Variants in NCKAP1 observed in about 807,000 individuals in gnomAD.
The protein encoded by NCKAP1 is nck-associated protein 1.
Under a neutral mutation model 151.2 loss-of-function variants are expected in NCKAP1, and 21 were observed. The ratio of observed to expected loss-of-function variants is 0.14; its 90% CI spans 0.10 to 0.20. The LOEUF (loss-of-function observed/expected upper bound fraction) is 0.20. NCKAP1 is among the 10% of genes least tolerant of loss of function. The pLI, the probability that NCKAP1 is intolerant of heterozygous loss-of-function variation, is 1.00. For synonymous variants in NCKAP1, 484 were observed against 451.8 expected, an observed-to-expected ratio of 1.07 and a Z score of -0.90; for missense variants, 933 against 1,352.1, an observed-to-expected ratio of 0.69 and a Z score of 4.86.
chr2:182,993,406 G>T (rs1698206383), intron 8 of NCKAP1, among the ~76,000 whole-genome samples: 1 of 152,282 alleles, frequency 6.6e-6, no homozygotes, highest in Admixed American at 6.5e-5. Flanking sequence ...AACAAAACCT[G>T]TAAGAATGAA....
chr2:182,940,594 C>G (rs1308485297), intron 24 of NCKAP1, among the ~76,000 whole-genome samples: 1 of 152,170 alleles, frequency 6.6e-6, no homozygotes, highest in Non-Finnish European at 1.5e-5. Flanking sequence ...CATGTGCCAC[C>G]ATGCCTGGCT....
chr2:182,956,442 C>G lies in NCKAP1; in HGVS notation c.2153+20G>C, dbSNP rs1427643409. 6.2e-7 allele frequency: 1 copy of G among 1,602,426 alleles called. No individual in the cohort carries two copies. Among genetic ancestry groups the G allele is most frequent in the East Asian group, 2.2e-5 (1 of 44,618 alleles). On this transcript the variant is annotated intron_variant, in intron 20 of 30. Transcript: ENST00000361354. ...TCATTACTGAGTCAACAAACAAAAA[C>G]AGTCAATATTCTTTCTTACTTGGTA...
intron 1 of NCKAP1, among the ~76,000 whole-genome samples, chr2:183,028,870 T>G (rs1448093328): frequency 6.6e-6 from 1 of 152,036 alleles, no homozygotes; most frequent in Non-Finnish European, 1.5e-5. Flanking sequence ...TCCCAGCACT[T>G]TGGGAGGCCG....
chr2:182,972,675 A>G (rs1315412104), intron 15 of NCKAP1, among the ~76,000 whole-genome samples: 3 of 152,186 alleles, frequency 2.0e-5, no homozygotes, highest in Non-Finnish European at 2.9e-5. Flanking sequence ...AGTGTCTATC[A>G]ATAGATAAAT....
rs1338357295 is a variant in NCKAP1 at position 182,918,991 on chromosome 2, T to C, written c.*6711A>G. ...TCCTTGTAGTGTGAGTTTGTAAAAATTGCTTTGTCTTTCCTGAGCTTCAGT... is the reference window on the plus strand; with the variant it reads ...TCCTTGTAGTGTGAGTTTGTAAAAACTGCTTTGTCTTTCCTGAGCTTCAGT... On this transcript the variant is annotated 3_prime_UTR_variant, in exon 31 of 31. Coordinates refer to ENST00000361354, the MANE Select transcript of NCKAP1 (RefSeq NM_013436.5). 3 of 152,180 alleles carry C rather than the reference T, an allele frequency of 2.0e-5. No homozygotes were observed. Among genetic ancestry groups the C allele is most frequent in the Admixed American group, 6.5e-5 (1 of 15,274 alleles). The allele number at this position is 152,180 out of a possible 1,614,324, so 9.4% of individuals were successfully genotyped here.
intron 15 of NCKAP1, among the ~76,000 whole-genome samples, chr2:182,971,218 C>G (rs1014408791): frequency 6.6e-6 from 1 of 150,948 alleles, no homozygotes; most frequent in Non-Finnish European, 1.5e-5. Context: ...AACGGTGAAA[C>G]CCCGTCTCTA....
rs748545383 is a variant in NCKAP1, at chr2:182,914,059, GGGA to G, written c.*11640_*11642del. 3.9e-5 allele frequency: 6 copies of G among 152,216 alleles called. No homozygotes were observed. The highest frequency in any genetic ancestry group is 8.8e-5 in the Non-Finnish European group (6 of 68,044). 9.4% of individuals were successfully genotyped at this position (152,216 alleles called of 1,614,324 possible). ...TCCCTCATTTAATCAGTTGTAGCCA[GGGA>G]GAAGTCACATATTGGTATCAGAGTG... is the stretch of plus-strand genomic sequence containing the variant. On this transcript the variant is annotated 3_prime_UTR_variant, in exon 31 of 31. Transcript: ENST00000361354.
chr2:183,023,711 A>G (rs746433084), intron 2 of NCKAP1, 95 bp downstream of exon 2: 1 of 939,130 alleles, frequency 1.1e-6, no homozygotes, highest in African/African-American at 1.7e-5. Context: ...AATGTTAAAA[A>G]TTAGGTAAAT....
chr2:183,008,121 T>C (rs1289048713), intron 2 of NCKAP1, among the ~76,000 whole-genome samples: 1 of 152,106 alleles, frequency 6.6e-6, no homozygotes, highest in Non-Finnish European at 1.5e-5. Flanking sequence ...AGATGGGGTT[T>C]CTCCATGTTG....
intron 24 of NCKAP1, among the ~76,000 whole-genome samples, chr2:182,936,092 AC>A (rs1242829079): frequency 2.0e-5 from 3 of 152,012 alleles, no homozygotes; most frequent in African/African-American, 7.3e-5. Flanking sequence ...CCCTGTCTCT[AC>A]AAAAAATAAA....
intron 1 of NCKAP1, chr2:183,024,966 A>G: frequency 6.2e-7 from 1 of 1,612,380 alleles, no homozygotes. Context: ...GAAGGTGAAA[A>G]GCTTTGCAAA....
At position 183,038,453 on chromosome 2, in the gene NCKAP1, C is replaced by T. The variant is rs561382302; in HGVS notation, c.-354G>A. The T allele has an allele frequency of 1.1e-3, 199 of 182,682 alleles. 2 individuals are homozygous for T. The highest frequency in any genetic ancestry group is 4.5e-3 in the African/African-American group (191 of 42,066). 11.3% of individuals were successfully genotyped at this position (182,682 alleles called of 1,614,324 possible). ...GCGGCGGCGGCGGCGTCTCCGGCGGCTGAGAACGAGGCCGCTTCCCGCAGC... is the reference window on the plus strand; with the variant it reads ...GCGGCGGCGGCGGCGTCTCCGGCGGTTGAGAACGAGGCCGCTTCCCGCAGC... On this transcript the variant is annotated 5_prime_UTR_variant, in exon 1 of 31. Transcript: ENST00000361354.
At chr2:182,979,547 A>T (rs2105851093) in intron 13 of NCKAP1, among the ~76,000 whole-genome samples, 1 of 152,260 alleles carries the variant, frequency 6.6e-6, no homozygotes, top group East Asian at 1.9e-4. Flanking sequence ...ACACATTTTT[A>T]AAACTTTATG....
At chr2:182,975,062 A>C (rs1697777627) in intron 15 of NCKAP1, among the ~76,000 whole-genome samples, 1 of 152,204 alleles carries the variant, frequency 6.6e-6, no homozygotes, top group East Asian at 1.9e-4. Flanking sequence ...CACTCCTATA[A>C]ACCCAGAACA....
chr2:183,007,966 G>A (rs1043843067), intron 2 of NCKAP1, among the ~76,000 whole-genome samples: 1 of 151,962 alleles, frequency 6.6e-6, no homozygotes, highest in Non-Finnish European at 1.5e-5. Context: ...GGCTCTTGTT[G>A]CCCAGGCTGG....
chr2:183,013,320 A>G (rs1041378425), intron 2 of NCKAP1, among the ~76,000 whole-genome samples: 6 of 152,078 alleles, frequency 3.9e-5, no homozygotes, highest in African/African-American at 7.2e-5. Context: ...GCTACTGAGT[A>G]CTTCCCCCAC....
rs867744859 is a variant in NCKAP1, at chr2:182,931,687, T to C, written c.2860-899A>G. Among the ~76,000 whole-genome samples the C allele has an allele frequency of 3.0e-4, 45 of 152,174 alleles. 2 individuals are homozygous for C. In the Middle Eastern group the frequency reaches 0.031, roughly 104 times the overall value. ...CAGATAAAATGGACTTCATTGAAAC[T>C]AAAAGACATCATCAACCTATAGAAT... On this transcript the variant is annotated intron_variant, in intron 26 of 30. Coordinates refer to ENST00000361354, the MANE Select transcript of NCKAP1 (RefSeq NM_013436.5).
intron 2 of NCKAP1, among the ~76,000 whole-genome samples, chr2:183,005,278 G>C (rs1698448890): frequency 6.6e-6 from 1 of 152,042 alleles, no homozygotes; most frequent in African/African-American, 2.4e-5. Flanking sequence ...ATTTATTTTA[G>C]TTGCCCTAGT....
rs760047982 is a variant in NCKAP1, at chr2:182,916,169, C to CAAAAAAAA, written c.*9525_*9532dup. On this transcript the variant is annotated 3_prime_UTR_variant, in exon 31 of 31. Transcript: ENST00000361354. ...ACCTTGCTTCCCCTTCGCCTTCTGT[C>CAAAAAAAA]AAAAAAAAAAAAAAAAAAAAAACAT... The CAAAAAAAA allele has an allele frequency of 1.1e-5, 1 of 87,896 alleles. No individual in the cohort carries two copies. Among genetic ancestry groups the CAAAAAAAA allele is most frequent in the Non-Finnish European group, 2.1e-5 (1 of 48,166 alleles). The allele number at this position is 87,896 out of a possible 1,614,324, so 5.4% of individuals were successfully genotyped here.
Sources: allele counts gnomAD v4.1 joint callset (sites outside exome capture counted in the v4.1 genomes callset), GRCh38; gene constraint gnomAD v4.1.1; transcripts MANE v1.5; gene names NCBI Gene and HGNC (gene_info 2026-07-23, HGNC 2026-07-21).